The following GDPD4 variants were observed in gnomAD, a reference collection of about 807,000 sequenced individuals.
The protein encoded by GDPD4 is glycerophosphodiester phosphodiesterase domain containing 4.
Under a neutral mutation model 67.8 loss-of-function variants are expected in GDPD4, and 60 were observed. The observed-to-expected ratio is 0.88, with a 90% CI of 0.72 to 1.10. GDPD4 has a LOEUF of 1.10. Among genes scored for constraint, GDPD4 ranks in the 50% least tolerant of loss-of-function variants. The pLI, the probability that GDPD4 is intolerant of heterozygous loss-of-function variation, is 0.00. For missense variants in GDPD4, 623 were observed against 613.9 expected (o/e 1.01, Z -0.16); for synonymous variants, 212 against 210.9 (o/e 1.00, Z -0.04).
At chr11:77,254,070 G>A (rs1161225218) in intron 11 of GDPD4, among the ~76,000 whole-genome samples, 1 of 152,174 alleles carries the variant, frequency 6.6e-6, no homozygotes, top group African/African-American at 2.4e-5. Flanking sequence ...CACCTCTGGA[G>A]CAAGATGTGA....
chr11:77,216,827 G>T lies in GDPD4; in HGVS notation c.*450C>A, dbSNP rs1256707556. ...GAGAGGAAGAAGCAGGGGAGATGTG[G>T]CTAATTCTTCTTTGGAAACACAGAA... On this transcript the variant is annotated 3_prime_UTR_variant, in exon 17 of 17. Coordinates refer to ENST00000315938, the MANE Select transcript of GDPD4 (RefSeq NM_182833.3). 3.3e-6 allele frequency: 2 copies of T among 610,556 alleles called. No homozygotes were observed. The highest frequency in any genetic ancestry group is 3.7e-5 in the African/African-American group (2 of 54,182). 37.8% of individuals were successfully genotyped at this position (610,556 alleles called of 1,614,324 possible).
rs956753358 is a variant in GDPD4 at position 77,218,636 on chromosome 11, G to A, written c.1526-1322C>T. On this transcript the variant is annotated intron_variant, in intron 16 of 16. Transcript: ENST00000315938. ...TTCCCTCCTATGAGTGAGAACATGC[G>A]GTGTTTGGTTTTCTGTCCTTGTGAT... Among the ~76,000 whole-genome samples, 6 of 152,116 alleles carry A rather than the reference G, an allele frequency of 3.9e-5. No homozygotes were observed. In the East Asian group the frequency reaches 5.8e-4, roughly 15 times the overall value.
At chr11:77,241,865 G>T (rs972116831) in intron 13 of GDPD4, among the ~76,000 whole-genome samples, 2 of 151,770 alleles carry the variant, frequency 1.3e-5, no homozygotes, top group Non-Finnish European at 2.9e-5. Flanking sequence ...TCCAAGAGGC[G>T]GAGGTTGCAG....
In GDPD4 at chr11:77,222,406, G is replaced by A. The variant is rs1451170746; in HGVS notation, c.1526-5092C>T. 5.9e-5 allele frequency among the ~76,000 whole-genome samples: 9 copies of A among 152,240 alleles called. No individual in the cohort carries two copies. The East Asian group carries it at 1.4e-3, about 23-fold the overall frequency. On this transcript the variant is annotated intron_variant, in intron 16 of 16. Transcript: ENST00000315938. ...AGTGCTTCCTTCAGGAGCTCTTTTA[G>A]GGCAGGCCTGGTGGTGACAAAATCT... is the stretch of plus-strand genomic sequence containing the variant.
At chr11:77,233,833 T>A (rs1958500300) in intron 13 of GDPD4, among the ~76,000 whole-genome samples, 1 of 152,116 alleles carries the variant, frequency 6.6e-6, no homozygotes, top group Non-Finnish European at 1.5e-5. Flanking sequence ...TGAGTACCAA[T>A]CTGGTGAACT....
At chr11:77,259,200 G>A (rs1011253978) in intron 10 of GDPD4, among the ~76,000 whole-genome samples, 6 of 151,960 alleles carry the variant, frequency 3.9e-5, no homozygotes, top group East Asian at 1.9e-4. Context: ...GGCTGGTCTC[G>A]AACTCCTGGC....
At chr11:77,241,638 TAAAAA>T (rs36036994) in intron 13 of GDPD4, among the ~76,000 whole-genome samples, 4 of 60,824 alleles carry the variant, frequency 6.6e-5, no homozygotes, top group Admixed American at 5.1e-4. Context: ...ACCCTGTCTT[TAAAAA>T]AAAAAAAAAA....
chr11:77,284,653 T>C (rs574187152), intron 3 of GDPD4, among the ~76,000 whole-genome samples: 98 of 152,196 alleles, frequency 6.4e-4, no homozygotes, highest in African/African-American at 2.3e-3. Flanking sequence ...TTCAGAATCG[T>C]AGGAAGCCTC....
chr11:77,282,560 G>A (rs1292384430), intron 3 of GDPD4, among the ~76,000 whole-genome samples: 1 of 151,910 alleles, frequency 6.6e-6, no homozygotes, highest in Non-Finnish European at 1.5e-5. Context: ...AGGCTGAAGT[G>A]GGAGGATCGG....
intron 16 of GDPD4, among the ~76,000 whole-genome samples, chr11:77,223,454 CAGGTCTATTGGGGGAGTTTGCTGG>C (rs1591525038): frequency 6.6e-6 from 1 of 152,160 alleles, no homozygotes; most frequent in Admixed American, 6.5e-5. Context: ...CCCTCAGCTG[CAGGTCTATTGGGGGAGTTTGCTGG>C]AGGTCCACTC....
At chr11:77,237,856 G>C (rs1236597574) in intron 13 of GDPD4, among the ~76,000 whole-genome samples, 1 of 152,088 alleles carries the variant, frequency 6.6e-6, no homozygotes, top group Non-Finnish European at 1.5e-5. Flanking sequence ...TCATGCCAGA[G>C]GTTGCAGTGA....
chr11:77,225,083 C>T (rs1181001074), intron 16 of GDPD4, among the ~76,000 whole-genome samples: 2 of 151,310 alleles, frequency 1.3e-5, no homozygotes, highest in Non-Finnish European at 2.9e-5. Flanking sequence ...CAGACTTGGG[C>T]GAAAGAGTGA....
In GDPD4 at chr11:77,238,192, AAAAAT is replaced by A. The variant is rs1366811325; in HGVS notation, c.1242-5025_1242-5021del. On this transcript the variant is annotated intron_variant, in intron 13 of 16. Coordinates refer to ENST00000315938, the MANE Select transcript of GDPD4 (RefSeq NM_182833.3). ...AGCAAGACTGATCAAGAAAAACAGA[AAAAAT>A]AAAAACTTCCAGTATCAAAATGCAT... Among the ~76,000 whole-genome samples the A allele has an allele frequency of 2.6e-5, 4 of 152,358 alleles. No individual in the cohort carries two copies. In the East Asian group the frequency reaches 7.7e-4, roughly 29 times the overall value.
chr11:77,270,903 C>T (rs1461162853), intron 7 of GDPD4: 2 of 475,148 alleles, frequency 4.2e-6, no homozygotes, highest in East Asian at 3.8e-5. Context: ...AAAAAGAATC[C>T]CTCTTTAGAA....
chr11:77,222,789 T>C (rs1958253105), intron 16 of GDPD4, among the ~76,000 whole-genome samples: 2 of 152,226 alleles, frequency 1.3e-5, no homozygotes, highest in South Asian at 2.1e-4. Context: ...CCTTGCTAGG[T>C]TGGGGATGTT....
chr11:77,243,900 G>A (rs763398093), intron 12 of GDPD4, 52 bp from the exon 13 acceptor site: 17 of 1,341,588 alleles, frequency 1.3e-5, no homozygotes, highest in East Asian at 2.3e-5. Flanking sequence ...ATCCAGGTAC[G>A]AACAGCCCCA....
intron 5 of GDPD4, among the ~76,000 whole-genome samples, chr11:77,272,040 T>C (rs1385202833): frequency 6.6e-6 from 1 of 152,198 alleles, no homozygotes; most frequent in Non-Finnish European, 1.5e-5. Flanking sequence ...CTTTCAAATG[T>C]ATAGTTTTCC....
intron 16 of GDPD4, among the ~76,000 whole-genome samples, chr11:77,227,259 G>C (rs188017141): frequency 1.3e-5 from 2 of 152,168 alleles, no homozygotes; most frequent in Non-Finnish European, 2.9e-5. Flanking sequence ...GAATGAAAGC[G>C]ATAATGCCAT....
intron 1 of GDPD4, among the ~76,000 whole-genome samples, chr11:77,298,225 A>T (rs1456605754): frequency 6.6e-6 from 1 of 152,188 alleles, no homozygotes; most frequent in Non-Finnish European, 1.5e-5. Context: ...AGAAAAGTAT[A>T]ATCAGGCCAG....
Sources: gnomAD v4.1 joint callset for allele counts (sites outside exome capture counted in the v4.1 genomes callset) on GRCh38, gnomAD v4.1.1 for gene constraint, MANE v1.5 for transcripts, NCBI Gene and HGNC (gene_info 2026-07-23, HGNC 2026-07-21) for gene names.